RASSF5: variants seen among roughly 807,000 people sequenced by gnomAD.
The protein encoded by RASSF5 is ras association domain-containing protein 5.
In RASSF5, 25 loss-of-function variants were observed where a neutral mutation model predicts 40.5. The ratio of observed to expected loss-of-function variants is 0.62; its 90% CI spans 0.45 to 0.86. RASSF5 has a LOEUF of 0.86. Ranked by LOEUF, RASSF5 falls within the 40% of genes least tolerant of loss-of-function variation. The pLI, the probability that RASSF5 is intolerant of heterozygous loss-of-function variation, is 0.00. For missense variants in RASSF5, 521 were observed against 572.8 expected (o/e 0.91, Z 0.92); for synonymous variants, 246 against 252.4 (o/e 0.97, Z 0.24).
At chr1:206,521,048 TC>T (rs1666892269) in intron 1 of RASSF5, among the ~76,000 whole-genome samples, 2 of 152,144 alleles carry the variant, frequency 1.3e-5, no homozygotes, top group African/African-American at 4.8e-5. Context: ...CTGGAAAAAT[TC>T]CTATCATTGA....
chr1:206,571,405 T>C (rs1668444652), intron 2 of RASSF5: 1 of 151,558 alleles, frequency 6.6e-6, no homozygotes, highest in Admixed American at 6.6e-5. Flanking sequence ...TAGGAGAGAG[T>C]TGGCCTGGGA....
chr1:206,578,689 T>TGGGACACACGTCCTCCTC (rs1289609634), intron 2 of RASSF5, among the ~76,000 whole-genome samples: 1 of 152,174 alleles, frequency 6.6e-6, no homozygotes, highest in African/African-American at 2.4e-5. Flanking sequence ...GTACTGCCGG[T>TGGGACACACGTCCTCCTC]GGGACACACG....
chr1:206,585,369 T>G, intron 5 of RASSF5, 74 bp downstream of exon 5: 1 of 1,056,846 alleles, frequency 9.5e-7, no homozygotes, highest in South Asian at 1.3e-5. Context: ...TTGTCCTAAC[T>G]ACCTCACATA....
chr1:206,543,117 G>A (rs1461191756), intron 2 of RASSF5: 1 of 151,812 alleles, frequency 6.6e-6, no homozygotes, highest in Non-Finnish European at 1.5e-5. Flanking sequence ...TTGGGAGGCT[G>A]AGGTAGGAGG....
In RASSF5 at chr1:206,557,530, C is replaced by T. The variant is rs782280839; in HGVS notation, c.579+19237C>T. ...TCCCTCCGCCGCATCCCAAGCCCGG[C>T]CCCCTTGATGCGCTGGCGGCCTCGG... is the stretch of plus-strand genomic sequence containing the variant. On this transcript the variant is annotated intron_variant, in intron 2 of 5. Transcript: ENST00000579436. 13 of 1,609,932 alleles carry T rather than the reference C, an allele frequency of 8.1e-6. No homozygotes were observed. In the Admixed American group the frequency reaches 1.5e-4, roughly 19 times the overall value.
At chr1:206,520,098 A>C (rs1553395882) in intron 1 of RASSF5, among the ~76,000 whole-genome samples, 1 of 152,178 alleles carries the variant, frequency 6.6e-6, no homozygotes, top group African/African-American at 2.4e-5. Flanking sequence ...ATCAGGCCTG[A>C]AGGGGCAGCA....
chr1:206,533,154 T>C (rs532071734), intron 1 of RASSF5, among the ~76,000 whole-genome samples: 1 of 152,308 alleles, frequency 6.6e-6, no homozygotes, highest in East Asian at 1.9e-4. Flanking sequence ...GTGAAAGAAG[T>C]AATGCCATCT....
chr1:206,585,256 C>G lies in RASSF5; in HGVS notation c.1065C>G (p.Leu355=). The change falls in exon 5 of 6, where the codon CTC becomes CTG. Residue 355 remains leucine, a synonymous_variant. Coordinates refer to ENST00000579436, the MANE Select transcript of RASSF5 (RefSeq NM_182663.4). ...TTGCTGGGCCTGACACGGAGGTCCT[C>G]AGCTTTGTGCTAAAGGAGAATGAAA... is the stretch of plus-strand genomic sequence containing the variant. ...RLLAGPDTEV[L]SFVLKENETG... is the part of the protein sequence containing the mutation. The G allele has an allele frequency of 6.2e-7, 1 of 1,614,176 alleles. No individual in the cohort carries two copies. Among genetic ancestry groups the G allele is most frequent in the South Asian group, 1.1e-5 (1 of 91,080 alleles).
At chr1:206,514,770 TATC>T (rs1666705724) in intron 1 of RASSF5, among the ~76,000 whole-genome samples, 1 of 152,220 alleles carries the variant, frequency 6.6e-6, no homozygotes, top group African/African-American at 2.4e-5. Context: ...GGAAAAGAAT[TATC>T]ATTGTGTTTG....
At chr1:206,521,812 G>A (rs1189995576) in intron 1 of RASSF5, among the ~76,000 whole-genome samples, 1 of 152,164 alleles carries the variant, frequency 6.6e-6, no homozygotes, top group Non-Finnish European at 1.5e-5. Context: ...AGGGGCCCAG[G>A]GATGGGTGAG....
intron 2 of RASSF5, chr1:206,572,846 C>T (rs575319442): frequency 1.3e-5 from 2 of 151,888 alleles, no homozygotes; most frequent in South Asian, 4.2e-4. Context: ...GCCCTTGGCC[C>T]CAAAGACAAA....
In RASSF5 at chr1:206,587,111, CAA is replaced by C. The variant is rs1669149935; in HGVS notation, c.*136_*137del. ...GCCTGCCCAGCAGTTCCAGCTGTGG[CAA>C]AAGTCTCTTCCATGGACAAGTGTTT... is the stretch of plus-strand genomic sequence containing the variant. On this transcript the variant is annotated 3_prime_UTR_variant, in exon 6 of 6. Transcript: ENST00000579436. 6.1e-6 allele frequency: 7 copies of C among 1,154,684 alleles called. No individual in the cohort carries two copies. The highest frequency in any genetic ancestry group is 2.8e-4 in the Middle Eastern group (1 of 3,542). 71.5% of individuals were successfully genotyped at this position (1,154,684 alleles called of 1,614,324 possible). A position where few individuals can be genotyped will look rare whatever the true frequency, so the allele number is the denominator to read the frequency against.
chr1:206,585,774 C>A (rs4501842), intron 5 of RASSF5: 64,918 of 153,090 alleles, frequency 0.42, 13,889 homozygotes, highest in South Asian at 0.55. Flanking sequence ...CAGGCCGGTG[C>A]CACCCATGGC....
chr1:206,547,737 G>T (rs1237976431), intron 2 of RASSF5, among the ~76,000 whole-genome samples: 1 of 152,034 alleles, frequency 6.6e-6, no homozygotes, highest in East Asian at 1.9e-4. Flanking sequence ...CAAAAAGGTT[G>T]GGGACCACTG....
chr1:206,572,858 G>A (rs1668496978), intron 2 of RASSF5, among the ~76,000 whole-genome samples: 1 of 152,144 alleles, frequency 6.6e-6, no homozygotes, highest in Non-Finnish European at 1.5e-5. Context: ...AAAGACAAAA[G>A]TTCTTAGGAC....
chr1:206,586,005 G>C (rs1669097321), intron 5 of RASSF5: 1 of 152,310 alleles, frequency 6.6e-6, no homozygotes. Context: ...TCCATGGACA[G>C]TAGCTGAATG....
At position 206,513,841 on chromosome 1, in the gene RASSF5, G is replaced by A. The variant is rs1666681455; in HGVS notation, c.457+5782G>A. ...GACGTTAGACCAGGCAGAAGGCTGG[G>A]TTCCCTGGGGGCACTGGTTTAAGTG... On this transcript the variant is annotated intron_variant, in intron 1 of 5. Transcript: ENST00000579436. The surrounding 1 kb of genome is among the most constrained non-coding windows in gnomAD (Gnocchi z 5.0). Among the ~76,000 whole-genome samples, 2 of 152,238 alleles carry A rather than the reference G, an allele frequency of 1.3e-5. No homozygotes were observed. Among genetic ancestry groups the A allele is most frequent in the Admixed American group, 6.5e-5 (1 of 15,290 alleles).
chr1:206,568,828 C>T (rs1668354750), intron 2 of RASSF5, among the ~76,000 whole-genome samples: 1 of 152,216 alleles, frequency 6.6e-6, no homozygotes, highest in Admixed American at 6.5e-5. Context: ...CATTCTTGTG[C>T]AGGAAGTTCA....
In RASSF5 at chr1:206,553,156, C is replaced by T. The variant is rs559704303; in HGVS notation, c.579+14863C>T. Among the ~76,000 whole-genome samples the T allele has an allele frequency of 7.9e-5, 12 of 151,936 alleles. No individual in the cohort carries two copies. The South Asian group carries it at 1.0e-3, about 13-fold the overall frequency. ...GGTGGAGCTTGCAGTGAGATGAGAT[C>T]GCGCCACTGCACTCCAGCCTGGGTG... On this transcript the variant is annotated intron_variant, in intron 2 of 5. Coordinates refer to ENST00000579436, the MANE Select transcript of RASSF5 (RefSeq NM_182663.4).
Sources: allele counts gnomAD v4.1 joint callset (sites outside exome capture counted in the v4.1 genomes callset), GRCh38; gene constraint gnomAD v4.1.1; non-coding constraint Gnocchi (gnomAD v3.1); transcripts MANE v1.5; gene names NCBI Gene and HGNC (gene_info 2026-07-23, HGNC 2026-07-21).